The following EPRS1 variants were observed in gnomAD, a reference collection of about 807,000 sequenced individuals.
EPRS1 encodes glutamyl-prolyl-tRNA synthetase 1.
EPRS1 carries 107 observed loss-of-function variants against 188.3 expected under a neutral mutation model. The ratio of observed to expected loss-of-function variants is 0.57; its 90% CI spans 0.49 to 0.67. The LOEUF is 0.67. Among genes scored for constraint, EPRS1 ranks in the 30% least tolerant of loss-of-function variants. EPRS1 has a pLI of 0.00. For missense variants in EPRS1, 1,577 were observed against 1,802.2 expected, an observed-to-expected ratio of 0.88 and a Z score of 2.26; for synonymous variants, 596 against 593.1, an observed-to-expected ratio of 1.00 and a Z score of -0.07.
rs1360047977 is a variant in EPRS1, at chr1:220,046,478, G to A, written c.-90C>T. ...GCGAAAGGAAGAAGATGCAACGTGTGCGCGTACCCGACGCCGCCGCAGCCT... is the reference window on the plus strand; with the variant it reads ...GCGAAAGGAAGAAGATGCAACGTGTACGCGTACCCGACGCCGCCGCAGCCT... On this transcript the variant is annotated 5_prime_UTR_variant, in exon 1 of 32. Transcript: ENST00000366923. The A allele has an allele frequency of 2.6e-6, 4 of 1,551,212 alleles. No homozygotes were observed. The highest frequency in any genetic ancestry group is 1.4e-5 in the African/African-American group (1 of 73,180).
intron 6 of EPRS1, among the ~76,000 whole-genome samples, chr1:220,026,538 G>T (rs1661975646): frequency 1.4e-5 from 2 of 147,342 alleles, no homozygotes; most frequent in Non-Finnish European, 3.0e-5. Context: ...TGTTTTGTTT[G>T]TTTTTTTTTT....
At chr1:219,981,478 G>A in intron 23 of EPRS1, 21 bp from the exon 24 acceptor site, 1 of 1,523,144 alleles carries the variant, frequency 6.6e-7, no homozygotes, top group Non-Finnish European at 9.0e-7. Flanking sequence ...CGGGAAAATA[G>A]AGACAGTCAT....
chr1:220,023,296 T>G (rs17007062), intron 8 of EPRS1, among the ~76,000 whole-genome samples: 2,964 of 152,276 alleles, frequency 0.019, 88 homozygotes, highest in African/African-American at 0.06. Context: ...TGCCCTCAAA[T>G]AATCAAGATA....
chr1:219,974,042 C>A (rs1660728364), intron 28 of EPRS1, among the ~76,000 whole-genome samples: 1 of 152,200 alleles, frequency 6.6e-6, no homozygotes, highest in South Asian at 2.1e-4. Flanking sequence ...CTCCCAAGAT[C>A]AATTGATTCT....
intron 18 of EPRS1, among the ~76,000 whole-genome samples, chr1:219,994,637 CTTCTTTTTTTTTTT>C (rs1352641727): frequency 3.3e-5 from 4 of 121,032 alleles, no homozygotes; most frequent in African/African-American, 9.6e-5. Context: ...GTGGTAACTT[CTTCTTTTTTTTTTT>C]TTTTTTTTTT....
rs376359550 is a variant in EPRS1, at chr1:220,030,380, T to C, written c.623+6A>G. 7 of 1,595,132 alleles carry C rather than the reference T, an allele frequency of 4.4e-6. No homozygotes were observed. In the African/African-American group the frequency reaches 6.7e-5, roughly 15 times the overall value. ...TCAATTATAAATGTGAGTTACATTT[T>C]CTTACCCACTGGCCTCTGGAGGAAA... On this transcript the variant is annotated splice_donor_region_variant and intron_variant, in intron 6 of 31. Coordinates refer to ENST00000366923, the MANE Select transcript of EPRS1 (RefSeq NM_004446.3).
chr1:219,986,128 G>T (rs1341189471), intron 20 of EPRS1, among the ~76,000 whole-genome samples: 1 of 152,142 alleles, frequency 6.6e-6, no homozygotes, highest in African/African-American at 2.4e-5. Context: ...AGCAAAATTT[G>T]ATACTCAGCT....
intron 15 of EPRS1, among the ~76,000 whole-genome samples, chr1:220,005,817 G>GTTTTTTT (rs765781858): frequency 5.5e-4 from 66 of 119,656 alleles, no homozygotes; most frequent in Middle Eastern, 5.0e-3. Context: ...TACTTACATC[G>GTTTTTTT]TTTTTTTTTT....
In EPRS1 at chr1:219,980,155, T is replaced by C; in HGVS notation, c.3641A>G (p.Glu1214Gly). ...TGTATAGTCTCCTCCTGCAAATTTT[T>C]CCTTTTCCGTCTTTCTTCCTTTAAC... ...PVVKGRKTEK[E>G]KFAGGDYTTT... is the part of the protein sequence containing the mutation. Residue 1214 changes from glutamate to glycine, a missense_variant, in exon 26 of 32, where the codon GAA becomes GGA. Physicochemically the swap from Glu to Gly is moderately conservative, Grantham distance 98 (BLOSUM62 -2). Coordinates refer to ENST00000366923, the MANE Select transcript of EPRS1 (RefSeq NM_004446.3). 6.2e-7 allele frequency: 1 copy of C among 1,613,858 alleles called. No individual in the cohort carries two copies. Among genetic ancestry groups the C allele is most frequent in the South Asian group, 1.1e-5 (1 of 91,078 alleles).
At chr1:219,979,026 G>T (rs1374698164) in intron 27 of EPRS1, among the ~76,000 whole-genome samples, 1 of 151,722 alleles carries the variant, frequency 6.6e-6, no homozygotes, top group Admixed American at 6.6e-5. Flanking sequence ...ACCACACCTG[G>T]CTAATTTTTT....
At chr1:219,986,131 A>G (rs536392450) in intron 20 of EPRS1, among the ~76,000 whole-genome samples, 3 of 152,332 alleles carry the variant, frequency 2.0e-5, no homozygotes, top group African/African-American at 7.2e-5. Flanking sequence ...AAAATTTGAT[A>G]CTCAGCTAAA....
intron 18 of EPRS1, among the ~76,000 whole-genome samples, chr1:219,991,434 T>C (rs187627363): frequency 6.6e-6 from 1 of 152,334 alleles, no homozygotes; most frequent in East Asian, 1.9e-4. Context: ...TTGGTAATGA[T>C]GACTCCTGAA....
chr1:219,977,307 C>T (rs936648223), intron 28 of EPRS1, among the ~76,000 whole-genome samples: 4 of 151,998 alleles, frequency 2.6e-5, no homozygotes, highest in Admixed American at 6.5e-5. Flanking sequence ...ATACAGACAA[C>T]GAAGCTGTAG....
chr1:220,010,723 T>C (rs983469112), intron 13 of EPRS1, among the ~76,000 whole-genome samples: 1 of 149,942 alleles, frequency 6.7e-6, no homozygotes, highest in African/African-American at 2.5e-5. Context: ...GGCAGGAGAA[T>C]GGCGTGAACC....
chr1:219,996,451 A>C (rs1661233193), intron 18 of EPRS1, among the ~76,000 whole-genome samples: 1 of 152,168 alleles, frequency 6.6e-6, no homozygotes, highest in Non-Finnish European at 1.5e-5. Context: ...CACCTGAGAA[A>C]CATTTTAGAA....
intron 28 of EPRS1, among the ~76,000 whole-genome samples, chr1:219,975,064 A>C (rs1178823252): frequency 6.6e-6 from 1 of 152,224 alleles, no homozygotes; most frequent in African/African-American, 2.4e-5. Context: ...ATGATAATGA[A>C]AGTCTGAGGA....
chr1:219,994,715 A>G (rs1238329760), intron 18 of EPRS1, among the ~76,000 whole-genome samples: 2 of 147,354 alleles, frequency 1.4e-5, no homozygotes, highest in Middle Eastern at 3.3e-3. Flanking sequence ...CAGTGGCACA[A>G]TATCTCAGCT....
chr1:220,025,311 C>A, intron 6 of EPRS1, 53 bp from the exon 7 acceptor site: 1 of 1,413,260 alleles, frequency 7.1e-7, no homozygotes, highest in Admixed American at 2.4e-5. Context: ...TAACTAAATA[C>A]TTAAACTTAA....
rs879818549 is a variant in EPRS1 at position 220,005,829 on chromosome 1, G to GTTTTTTTT, written c.1950+269_1950+276dup. On this transcript the variant is annotated intron_variant, in intron 15 of 31. Coordinates refer to ENST00000366923, the MANE Select transcript of EPRS1 (RefSeq NM_004446.3). Reference sequence around the variant, plus strand: ...CATTACTTACATCGTTTTTTTTTTTGTTTTTTTTTTTGTTTTTTTTTGTAG... The same window carrying GTTTTTTTT: ...CATTACTTACATCGTTTTTTTTTTTGTTTTTTTTTTTTTTTTTTTGTTTTTTTTTGTAG... Among the ~76,000 whole-genome samples, 29 of 45,722 alleles carry GTTTTTTTT rather than the reference G, an allele frequency of 6.3e-4. 2 individuals carry two copies. Among genetic ancestry groups the GTTTTTTTT allele is most frequent in the African/African-American group, 2.5e-3 (28 of 11,136 alleles). 30.0% of individuals were successfully genotyped at this position (45,722 alleles called of 152,430 possible). A position where few individuals can be genotyped will look rare whatever the true frequency, so the allele number is the denominator to read the frequency against.
Sources: gnomAD v4.1 joint callset for allele counts (sites outside exome capture counted in the v4.1 genomes callset) on GRCh38, gnomAD v4.1.1 for gene constraint, MANE v1.5 for transcripts, NCBI Gene and HGNC (gene_info 2026-07-23, HGNC 2026-07-21) for gene names.